Variants in USP44 observed in about 807,000 individuals in gnomAD.
USP44 encodes the protein ubiquitin specific peptidase 44.
USP44 carries 61 observed loss-of-function variants against 69.0 expected under a neutral mutation model. The ratio of observed to expected loss-of-function variants is 0.88; its 90% confidence interval spans 0.72 to 1.09. The LOEUF is 1.09. Among genes scored for constraint, USP44 ranks in the 50% least tolerant of loss-of-function variants. The probability of loss-of-function intolerance (pLI) is 0.00; values close to 1 mark genes in which losing one functional copy is unlikely to be tolerated. For synonymous variants in USP44, 297 were observed against 295.4 expected (o/e 1.01, Z -0.06); for missense variants, 753 against 849.9 (o/e 0.89, Z 1.42).
chr12:95,517,486 A>G lies in USP44; in HGVS notation c.*668T>C, dbSNP rs532765813. 3.5e-5 allele frequency: 5 copies of G among 140,962 alleles called. No homozygotes were observed. In the South Asian group the frequency reaches 9.1e-4, roughly 26 times the overall value. The allele number at this position is 140,962 out of a possible 1,614,324, so 8.7% of individuals were successfully genotyped here. A position where few individuals can be genotyped will look rare whatever the true frequency, so the allele number is the denominator to read the frequency against. Reference sequence around the variant, plus strand: ...CAGACAAAAATCATAAATCCCAGCCATCATTTTTTTCATGTCCATAGTTCC... The same window carrying G: ...CAGACAAAAATCATAAATCCCAGCCGTCATTTTTTTCATGTCCATAGTTCC... On this transcript the variant is annotated 3_prime_UTR_variant, in exon 6 of 6. Coordinates refer to ENST00000258499, the MANE Select transcript of USP44 (RefSeq NM_032147.5).
Position 95,534,098 on chromosome 12 carries a change from A to G in USP44, c.159T>C (p.Ile53=). ...SCSHVACGRY[I]EEHALKHFQE... The stretch of plus-strand genomic sequence containing the variant: ...GAAAGTGCTTGAGTGCATGCTCTTC[A>G]ATATATCTTCCACAGGCAACATGGG... Residue 53 remains isoleucine (I), a synonymous_variant, in exon 2 of 6, where the codon ATT becomes ATC. Transcript: ENST00000258499. The G allele has an allele frequency of 6.2e-7, 1 of 1,614,186 alleles. No homozygotes were observed. Among genetic ancestry groups the G allele is most frequent in the South Asian group, 1.1e-5 (1 of 91,088 alleles).
chr12:95,543,861 G>A (rs1343012866), intron 1 of USP44, among the ~76,000 whole-genome samples: 2 of 145,696 alleles, frequency 1.4e-5, no homozygotes, highest in Non-Finnish European at 1.5e-5. Context: ...CAGCTACTCC[G>A]GAGGCTGAGG....
intron 1 of USP44, among the ~76,000 whole-genome samples, chr12:95,544,264 C>A (rs1383627164): frequency 4.6e-5 from 7 of 151,738 alleles, no homozygotes; most frequent in Non-Finnish European, 1.0e-4. Context: ...ACTGTGTTAG[C>A]CAGGATGGTC....
At chr12:95,530,363 G>A (rs1465832450) in intron 2 of USP44, among the ~76,000 whole-genome samples, 2 of 152,164 alleles carry the variant, frequency 1.3e-5, no homozygotes, top group Non-Finnish European at 2.9e-5. Flanking sequence ...GCTCATGCCT[G>A]TAATCCCAGC....
intron 4 of USP44, 43 bp from the exon 5 acceptor site, chr12:95,521,245 A>C (rs775880817): frequency 1.9e-6 from 3 of 1,591,214 alleles, no homozygotes; most frequent in Non-Finnish European, 2.6e-6. Flanking sequence ...AATTAAGGGA[A>C]AATAACCACG....
At chr12:95,544,048 C>CTTTT (rs1191045599) in intron 1 of USP44, among the ~76,000 whole-genome samples, 21 of 97,234 alleles carry the variant, frequency 2.2e-4, no homozygotes, top group African/African-American at 4.5e-4. Flanking sequence ...TTTTAGTTAT[C>CTTTT]TTTTTTTTTT....
In USP44 at chr12:95,517,171, A is replaced by G. The variant is rs1292462714; in HGVS notation, c.*983T>C. ...ACCTAGTAGTCACATAATCCTAGCA[A>G]GAGTAAATCAAGCTTTAGTTATTTA... On this transcript the variant is annotated 3_prime_UTR_variant, in exon 6 of 6. Coordinates refer to ENST00000258499, the MANE Select transcript of USP44 (RefSeq NM_032147.5). The G allele has an allele frequency of 2.6e-5, 4 of 151,750 alleles. No individual in the cohort carries two copies. Among genetic ancestry groups the G allele is most frequent in the African/African-American group, 4.9e-5 (2 of 41,220 alleles). The allele number at this position is 151,750 out of a possible 1,614,324, so 9.4% of individuals were successfully genotyped here. A position where few individuals can be genotyped will look rare whatever the true frequency, so the allele number is the denominator to read the frequency against.
intron 5 of USP44, among the ~76,000 whole-genome samples, chr12:95,518,558 C>T (rs1041776786): frequency 6.6e-6 from 1 of 152,200 alleles, no homozygotes; most frequent in Non-Finnish European, 1.5e-5. Flanking sequence ...CAGCATGTGA[C>T]TGATTAGAGT....
chr12:95,540,203 C>T (rs2140339279), intron 1 of USP44, among the ~76,000 whole-genome samples: 1 of 152,258 alleles, frequency 6.6e-6, no homozygotes, highest in Non-Finnish European at 1.5e-5. Context: ...AGGCACAACC[C>T]AAAGTCAGCT....
At chr12:95,549,607 T>G (rs1418466559) in intron 1 of USP44, among the ~76,000 whole-genome samples, 1 of 152,192 alleles carries the variant, frequency 6.6e-6, no homozygotes, top group Non-Finnish European at 1.5e-5. Context: ...TGGAGTGTAC[T>G]GAAAATTTAA....
At chr12:95,520,493 CA>C (rs576135205) in intron 5 of USP44, among the ~76,000 whole-genome samples, 22 of 142,186 alleles carry the variant, frequency 1.5e-4, no homozygotes, top group Admixed American at 2.8e-4. Context: ...CTCCATCTCA[CA>C]AAAAAAAAAG....
intron 1 of USP44, among the ~76,000 whole-genome samples, chr12:95,547,235 C>T (rs1193785144): frequency 2.0e-5 from 3 of 152,190 alleles, no homozygotes; most frequent in African/African-American, 4.8e-5. Context: ...ACTGTATGCA[C>T]TGGACTAACT....
intron 4 of USP44, chr12:95,522,006 A>G (rs1250244569): frequency 2.0e-6 from 2 of 982,484 alleles, no homozygotes; most frequent in Non-Finnish European, 2.4e-6. Flanking sequence ...TGGTGACAGA[A>G]CTGAAAGAAT....
Position 95,534,288 on chromosome 12 carries a change from A to G in USP44, c.-32T>C, listed in dbSNP as rs1353760308. 1 of 1,571,232 alleles carries G rather than the reference A, an allele frequency of 6.4e-7. No homozygotes were observed. Among genetic ancestry groups the G allele is most frequent in the African/African-American group, 1.4e-5 (1 of 74,034 alleles). ...AGTCTAGCTGAGAAATGCATAATCC[A>G]AACAAGTCTCTGTTCACAACACTTG... On this transcript the variant is annotated 5_prime_UTR_variant, in exon 2 of 6. Coordinates refer to ENST00000258499, the MANE Select transcript of USP44 (RefSeq NM_032147.5).
intron 1 of USP44, among the ~76,000 whole-genome samples, chr12:95,536,039 CTTTTTTTTT>C (rs397821709): frequency 2.1e-5 from 2 of 97,532 alleles, no homozygotes; most frequent in African/African-American, 4.2e-5. Flanking sequence ...CTTTTTTTTC[CTTTTTTTTT>C]TTTTTTTTTT....
rs868451733 is a variant in USP44 at position 95,522,172 on chromosome 12, G to A, written c.1734-970C>T. The A allele has an allele frequency of 3.9e-5, 37 of 937,758 alleles. No homozygotes were observed. In the Middle Eastern group the frequency reaches 2.2e-3, roughly 55 times the overall value. The allele number at this position is 937,758 out of a possible 1,614,324, so 58.1% of individuals were successfully genotyped here. On this transcript the variant is annotated intron_variant, in intron 4 of 5. Coordinates refer to ENST00000258499, the MANE Select transcript of USP44 (RefSeq NM_032147.5). ...GTTCAAGAGATTATAATCCAGTTTG[G>A]GGTAGTATGGTAGAGAGACAAGGCA...
At chr12:95,539,397 TC>T (rs1278090956) in intron 1 of USP44, among the ~76,000 whole-genome samples, 1 of 152,036 alleles carries the variant, frequency 6.6e-6, no homozygotes, top group African/African-American at 2.4e-5. Flanking sequence ...AGCTAATTTT[TC>T]TGTATTTGTA....
At chr12:95,528,201 C>T (rs1244461967) in intron 3 of USP44, among the ~76,000 whole-genome samples, 2 of 152,198 alleles carry the variant, frequency 1.3e-5, no homozygotes, top group African/African-American at 4.8e-5. Flanking sequence ...CCTGTGCTCT[C>T]CTCCATTAGA....
intron 1 of USP44, among the ~76,000 whole-genome samples, chr12:95,541,523 C>T (rs994817187): frequency 1.3e-5 from 2 of 151,802 alleles, no homozygotes; most frequent in Non-Finnish European, 2.9e-5. Context: ...GAGGCTGCAG[C>T]GAGCCATGAT....
Sources: allele counts gnomAD v4.1 joint callset (sites outside exome capture counted in the v4.1 genomes callset), GRCh38; gene constraint gnomAD v4.1.1; transcripts MANE v1.5; gene names NCBI Gene and HGNC (gene_info 2026-07-23, HGNC 2026-07-21).